The following DLGAP2 variants were observed in gnomAD, a reference collection of about 807,000 sequenced individuals.
DLGAP2 encodes the protein disks large-associated protein 2.
Under a neutral mutation model 100.3 loss-of-function variants are expected in DLGAP2, and 26 were observed. The ratio of observed to expected loss-of-function variants is 0.26; its 90% CI spans 0.19 to 0.36. The LOEUF is 0.36. Among genes scored for constraint, DLGAP2 ranks in the 10% least tolerant of loss-of-function variants. DLGAP2 has a pLI of 1.00. For synonymous variants in DLGAP2, 886 were observed against 630.1 expected (o/e 1.41, Z -6.08); for missense variants, 1,858 against 1,453.2 (o/e 1.28, Z -4.53).
intron 2 of DLGAP2, among the ~76,000 whole-genome samples, chr8:1,210,507 A>G (rs1798081387): frequency 2.0e-5 from 3 of 152,202 alleles, no homozygotes; most frequent in African/African-American, 7.2e-5. Context: ...CAGGCAGCTC[A>G]GCTCTGCTGA....
intron 2 of DLGAP2, among the ~76,000 whole-genome samples, chr8:1,005,148 G>A (rs1224653489): frequency 6.6e-6 from 1 of 152,166 alleles, no homozygotes; most frequent in Non-Finnish European, 1.5e-5. Context: ...GCATCTATGT[G>A]GAGTTCCTGG....
At chr8:1,139,206 C>G (rs1054195217) in intron 2 of DLGAP2, among the ~76,000 whole-genome samples, 2 of 152,052 alleles carry the variant, frequency 1.3e-5, no homozygotes, top group African/African-American at 4.8e-5. Context: ...GTGCACAGGG[C>G]GGGGGGAGCT....
At chr8:1,287,195 TTTTGG>T in intron 3 of DLGAP2, among the ~76,000 whole-genome samples, 1 of 93,384 alleles carries the variant, frequency 1.1e-5, no homozygotes, top group Non-Finnish European at 2.0e-5. Flanking sequence ...GGGGAACTAG[TTTTGG>T]TTCAGTGTGT....
chr8:883,971 C>G (rs948208854), intron 1 of DLGAP2, among the ~76,000 whole-genome samples: 12 of 152,208 alleles, frequency 7.9e-5, no homozygotes, highest in Non-Finnish European at 1.5e-4. Flanking sequence ...GACATGATCT[C>G]TTTGCTTTTT....
rs1463418235 is a variant in DLGAP2 at position 1,530,523 on chromosome 8, A to G, written c.173-18103A>G. Among the ~76,000 whole-genome samples, 4 of 152,222 alleles carry G rather than the reference A, an allele frequency of 2.6e-5. No individual in the cohort carries two copies. The East Asian group carries it at 7.7e-4, about 29-fold the overall frequency. On this transcript the variant is annotated intron_variant, in intron 4 of 14. Coordinates refer to ENST00000637795, the MANE Select transcript of DLGAP2 (RefSeq NM_001346810.2). ...AATTATTACAGGGTCCTGAGGCGAC[A>G]TACATTCTCCTCAGCTGACAGGATT... is the stretch of plus-strand genomic sequence containing the variant.
intron 8 of DLGAP2, among the ~76,000 whole-genome samples, chr8:1,663,408 TCTTCGCC>T (rs1475592764): frequency 1.3e-4 from 20 of 152,054 alleles, no homozygotes; most frequent in African/African-American, 4.8e-4. Flanking sequence ...TGTGCACCCG[TCTTCGCC>T]AGCTTCTCTG....
At chr8:1,249,688 G>A (rs1405432524) in intron 2 of DLGAP2, among the ~76,000 whole-genome samples, 1 of 152,126 alleles carries the variant, frequency 6.6e-6, no homozygotes, top group Admixed American at 6.5e-5. Context: ...TGGTGAGACT[G>A]GAGTCATGAG....
chr8:743,205 T>A (rs1764539126), intron 1 of DLGAP2, among the ~76,000 whole-genome samples: 3 of 152,184 alleles, frequency 2.0e-5, no homozygotes, highest in Admixed American at 2.0e-4. Flanking sequence ...AAGAAACACA[T>A]GTGATAACCA....
rs565756911 is a variant in DLGAP2, at chr8:751,917, T to C, written c.18+14092T>C. 4.0e-5 allele frequency among the ~76,000 whole-genome samples: 6 copies of C among 150,644 alleles called. No homozygotes were observed. In the East Asian group the frequency reaches 7.7e-4, roughly 19 times the overall value. ...TCTGACACTTCATAGTAAGTCCTTA[T>C]AGGAAGTTCATCTGACACTTTATAG... is the stretch of plus-strand genomic sequence containing the variant. On this transcript the variant is annotated intron_variant, in intron 1 of 14. Transcript: ENST00000637795.
chr8:1,412,316 A>T (rs1447724299), intron 3 of DLGAP2, among the ~76,000 whole-genome samples: 1 of 152,034 alleles, frequency 6.6e-6, no homozygotes, highest in Non-Finnish European at 1.5e-5. Flanking sequence ...CTGAGGCTCC[A>T]TTCTCTCCCT....
intron 2 of DLGAP2, among the ~76,000 whole-genome samples, chr8:1,059,209 A>G (rs1177121648): frequency 2.0e-5 from 3 of 152,064 alleles, no homozygotes; most frequent in Middle Eastern, 3.4e-3. Context: ...ACTTATAGGG[A>G]GAGGCTCCAT....
intron 1 of DLGAP2, among the ~76,000 whole-genome samples, chr8:815,379 C>T (rs545245764): frequency 7.9e-5 from 12 of 152,308 alleles, no homozygotes; most frequent in African/African-American, 2.9e-4. Flanking sequence ...GCTTTGCCCT[C>T]ATGACTTAAG....
At chr8:1,343,417 A>G (rs1043059379) in intron 3 of DLGAP2, among the ~76,000 whole-genome samples, 2 of 152,072 alleles carry the variant, frequency 1.3e-5, no homozygotes, top group African/African-American at 4.8e-5. Context: ...CTTGGGGTCC[A>G]TCATGTAGGC....
At chr8:1,121,986 C>G (rs1191859762) in intron 2 of DLGAP2, among the ~76,000 whole-genome samples, 2 of 152,164 alleles carry the variant, frequency 1.3e-5, no homozygotes, top group Non-Finnish European at 2.9e-5. Flanking sequence ...GGTGTTGCCC[C>G]AACCCATACA....
chr8:1,382,085 T>A (rs889049469), intron 3 of DLGAP2, among the ~76,000 whole-genome samples: 2 of 152,094 alleles, frequency 1.3e-5, no homozygotes, highest in Non-Finnish European at 2.9e-5. Flanking sequence ...AACTTTTGAC[T>A]CCCCCAGACT....
intron 2 of DLGAP2, among the ~76,000 whole-genome samples, chr8:1,156,268 CG>C (rs1397359059): frequency 6.6e-6 from 1 of 152,124 alleles, no homozygotes; most frequent in Non-Finnish European, 1.5e-5. Flanking sequence ...TCCTCCTTCC[CG>C]TTTTGGCGCT....
Position 1,386,124 on chromosome 8 carries a change from A to T in DLGAP2, c.107-115242A>T, listed in dbSNP as rs565099583. Among the ~76,000 whole-genome samples, 32 of 152,376 alleles carry T rather than the reference A, an allele frequency of 2.1e-4. No homozygotes were observed. The South Asian group carries it at 5.8e-3, about 28-fold the overall frequency. On this transcript the variant is annotated intron_variant, in intron 3 of 14. Coordinates refer to ENST00000637795, the MANE Select transcript of DLGAP2 (RefSeq NM_001346810.2). Reference sequence around the variant, plus strand: ...ACAGGAAAATGACAAAATAATGGAAAATAAGAGTAAAAAGATGAGATGCTC... The same window carrying T: ...ACAGGAAAATGACAAAATAATGGAATATAAGAGTAAAAAGATGAGATGCTC...
intron 4 of DLGAP2, among the ~76,000 whole-genome samples, chr8:1,527,645 C>G (rs1800838039): frequency 6.6e-6 from 1 of 152,152 alleles, no homozygotes; most frequent in Non-Finnish European, 1.5e-5. Context: ...TATAACCTAT[C>G]TATGTGGGAA....
At chr8:1,284,146 G>A (rs944524763) in intron 3 of DLGAP2, among the ~76,000 whole-genome samples, 1 of 152,232 alleles carries the variant, frequency 6.6e-6, no homozygotes, top group Non-Finnish European at 1.5e-5. Context: ...TGACTGCGCG[G>A]CTGTCTCCTG....
Sources: gnomAD v4.1 joint callset for allele counts (sites outside exome capture counted in the v4.1 genomes callset) on GRCh38, gnomAD v4.1.1 for gene constraint, MANE v1.5 for transcripts, NCBI Gene and HGNC (gene_info 2026-07-23, HGNC 2026-07-21) for gene names.